SHOX: variants seen among roughly 807,000 people sequenced by gnomAD.
SHOX encodes short stature homeobox protein.
SHOX carries 12 observed loss-of-function variants against 29.6 expected under a neutral mutation model. The observed-to-expected ratio is 0.41, with a 90% confidence interval of 0.26 to 0.66. The LOEUF is 0.66. SHOX is among the 30% of genes least tolerant of loss of function. The probability of loss-of-function intolerance (pLI) is 0.35; values close to 1 mark genes in which losing one functional copy is unlikely to be tolerated. For missense variants in SHOX, 499 were observed against 437.7 expected, an observed-to-expected ratio of 1.14 and a Z score of -1.25; for synonymous variants, 214 against 200.6, an observed-to-expected ratio of 1.07 and a Z score of -0.57.
At chrX:641,402 A>C (rs2052851184) in intron 4 of SHOX, among the ~76,000 whole-genome samples, 1 of 151,988 alleles carries the variant, frequency 6.6e-6, no homozygotes, top group Non-Finnish European at 1.5e-5. Flanking sequence ...TCTATTAAAA[A>C]TACAAAATGG....
In SHOX at chrX:649,317, G is replaced by C. The variant is rs956709159; in HGVS notation, c.*4681G>C. Among the ~76,000 whole-genome samples, 5 of 152,152 alleles carry C rather than the reference G, an allele frequency of 3.3e-5. No individual in the cohort carries two copies. The highest frequency in any genetic ancestry group is 4.8e-5 in the African/African-American group (2 of 41,434). The stretch of plus-strand genomic sequence containing the variant: ...GCCTCCCAGAGTGCTGGGATTACGG[G>C]GTGAGGCACCGCGCCCGGCCTCCTC... On this transcript the variant is annotated 3_prime_UTR_variant, in exon 5 of 5. Coordinates refer to ENST00000686671, the MANE Select transcript of SHOX (RefSeq NM_000451.4).
At position 634,661 on chromosome X, in the gene SHOX, GGAC is replaced by G. The variant is rs1329470587; in HGVS notation, c.324_326del (p.Asp108del). On this transcript the variant is annotated inframe_deletion, in exon 2 of 5. Coordinates refer to ENST00000686671, the MANE Select transcript of SHOX (RefSeq NM_000451.4). ...AGAAGCGCGAGGACGTGAAGTCGGA[GGAC>G]GAGGACGGGCAGACCAAGCTGAAAC... 1 of 1,613,814 alleles carries G rather than the reference GGAC, an allele frequency of 6.2e-7. No homozygotes were observed. Among genetic ancestry groups the G allele is most frequent in the Non-Finnish European group, 8.5e-7 (1 of 1,179,886 alleles).
chrX:649,972 G>A lies in SHOX; in HGVS notation c.*5336G>A, dbSNP rs371045536. ...ACAGGGAGAAGGAATTGGATGTATC[G>A]GATGTTGCTATTAGATTTTCTTTCT... On this transcript the variant is annotated 3_prime_UTR_variant, in exon 5 of 5. Coordinates refer to ENST00000686671, the MANE Select transcript of SHOX (RefSeq NM_000451.4). 2.0e-5 allele frequency: 9 copies of A among 456,016 alleles called. No homozygotes were observed. The highest frequency in any genetic ancestry group is 1.4e-4 in the East Asian group (2 of 14,390). The allele number at this position is 456,016 out of a possible 1,614,324, so 28.2% of individuals were successfully genotyped here.
rs180672914 is a variant in SHOX at position 647,207 on chromosome X, G to A, written c.*2571G>A. ...TTCTCCTGCCTCAGCCTCCCGAGTA[G>A]CTGGGATTACAGGCACCTGCCACCA... On this transcript the variant is annotated 3_prime_UTR_variant, in exon 5 of 5. Transcript: ENST00000686671. Among the ~76,000 whole-genome samples the A allele has an allele frequency of 2.0e-5, 3 of 152,194 alleles. No individual in the cohort carries two copies. The East Asian group carries it at 5.8e-4, about 29-fold the overall frequency.
chrX:655,855 G>T (rs770818343), downstream of SHOX, among the ~76,000 whole-genome samples: 2 of 152,018 alleles, frequency 1.3e-5, no homozygotes, highest in African/African-American at 4.8e-5. Context: ...TGAGAAAGGA[G>T]ACCAGGATTT....
chrX:643,288 TGGGAGAGGCTTGGAGATCTGGTGAGCC>T (rs2052895879), intron 4 of SHOX, among the ~76,000 whole-genome samples: 2 of 120,716 alleles, frequency 1.7e-5, no homozygotes, highest in African/African-American at 3.2e-5. Context: ...CCTGGTGTCC[TGGGAGAGGCTTGGAGATCTGGTGAGCC>T]GGGAGAGGCT....
Position 646,619 on chromosome X carries a change from C to G in SHOX, c.*1983C>G, listed in dbSNP as rs2052968837. ...AGCTGAACTGTAGATCCATTTGGACCCGTCTCATTTGTATCTTCTGATATT... is the reference window on the plus strand; with the variant it reads ...AGCTGAACTGTAGATCCATTTGGACGCGTCTCATTTGTATCTTCTGATATT... On this transcript the variant is annotated 3_prime_UTR_variant, in exon 5 of 5. Transcript: ENST00000686671. The G allele has an allele frequency of 6.6e-6, 1 of 151,850 alleles. No homozygotes were observed. 9.4% of individuals were successfully genotyped at this position (151,850 alleles called of 1,614,324 possible).
At chrX:651,711 A>G (rs1244920310), downstream of SHOX, among the ~76,000 whole-genome samples, 1 of 149,266 alleles carries the variant, frequency 6.7e-6, no homozygotes, top group Non-Finnish European at 1.5e-5. Flanking sequence ...TGCTCCGTGC[A>G]TTTCCAGGGT....
chrX:630,067 G>A (rs1265955735), upstream of SHOX, among the ~76,000 whole-genome samples: 7 of 152,112 alleles, frequency 4.6e-5, no homozygotes, highest in Non-Finnish European at 1.0e-4. Context: ...GGATCTCCCG[G>A]GGACCTGGGC....
downstream of SHOX, among the ~76,000 whole-genome samples, chrX:655,771 C>A (rs1179705598): frequency 6.6e-6 from 1 of 151,824 alleles, no homozygotes. Context: ...GAAACAAACT[C>A]AATCTGTTCG....
In SHOX at chrX:651,115, T is replaced by TTC. The variant is rs1332244783; in HGVS notation, c.*6479_*6480insTC. 1.1e-5 allele frequency: 4 copies of TTC among 348,594 alleles called. No individual in the cohort carries two copies. Among genetic ancestry groups the TTC allele is most frequent in the African/African-American group, 8.6e-5 (4 of 46,524 alleles). The allele number at this position is 348,594 out of a possible 1,614,324, so 21.6% of individuals were successfully genotyped here. The stretch of plus-strand genomic sequence containing the variant: ...TGTGCATTTGTTATTTATTTTTTTT[T>TTC]CCTTGGTCGGACGTTCATAAATATG... On this transcript the variant is annotated 3_prime_UTR_variant, in exon 5 of 5. Coordinates refer to ENST00000686671, the MANE Select transcript of SHOX (RefSeq NM_000451.4).
chrX:630,773 G>A (rs1207961766), upstream of SHOX: 3 of 1,231,024 alleles, frequency 2.4e-6, no homozygotes, highest in Non-Finnish European at 3.5e-6. Flanking sequence ...TAAATAGTGA[G>A]ATTTCCAATG....
chrX:632,875 C>T (rs1217384217), intron 1 of SHOX, among the ~76,000 whole-genome samples: 1 of 152,124 alleles, frequency 6.6e-6, no homozygotes, highest in African/African-American at 2.4e-5. Context: ...TCGCAGCGCC[C>T]GGCGGCCGCT....
rs1569491737 is a variant in SHOX, at chrX:624,926, CTTTCTTTTCTTT to C, written c.-433+325_-433+336del. 3.3e-3 allele frequency among the ~76,000 whole-genome samples: 223 copies of C among 68,194 alleles called. 5 individuals are homozygous for C. Among genetic ancestry groups the C allele is most frequent in the African/African-American group, 0.016 (211 of 13,106 alleles). 44.7% of individuals were successfully genotyped at this position (68,194 alleles called of 152,430 possible). ...TCTCTCTTCCTTTCTTTCTTTCTTT[CTTTCTTTTCTTT>C]CTTTCACTTGGCAAGATTGCTTTTG... On this transcript the variant is annotated intron_variant, in intron 1 of 5. Coordinates refer to the SHOX transcript ENST00000334060.
upstream of SHOX, among the ~76,000 whole-genome samples, chrX:627,869 G>A (rs1344590807): frequency 2.0e-5 from 3 of 152,178 alleles, no homozygotes; most frequent in Admixed American, 1.3e-4. Context: ...CTGGGAGGAC[G>A]GAGGGTTTTC....
chrX:624,862 T>TTTTCTTTCTTTCC (rs1556451609), intron 1 of SHOX, among the ~76,000 whole-genome samples: 1,139 of 76,828 alleles, frequency 0.015, 17 homozygotes, highest in Non-Finnish European at 0.022. Context: ...TCTTTCTTTC[T>TTTTCTTTCTTTCC]TTTCTTTCTT....
chrX:633,831 A>G (rs942684971), intron 1 of SHOX, among the ~76,000 whole-genome samples: 13 of 152,138 alleles, frequency 8.5e-5, no homozygotes, highest in African/African-American at 2.9e-4. Context: ...GCTTGGTCAG[A>G]GAGGCTGAAT....
chrX:640,924 C>T lies in SHOX; in HGVS notation c.544+46C>T, dbSNP rs747981081. 24 of 1,613,562 alleles carry T rather than the reference C, an allele frequency of 1.5e-5. No homozygotes were observed. The South Asian group carries it at 2.6e-4, about 18-fold the overall frequency. Reference sequence around the variant, plus strand: ...GACCTGAAGCTGGGGGATCCTGCTCCAGGAGGGATGGGGTCGACGAGGTGC... The same window carrying T: ...GACCTGAAGCTGGGGGATCCTGCTCTAGGAGGGATGGGGTCGACGAGGTGC... On this transcript the variant is annotated intron_variant, in intron 3 of 4. Transcript: ENST00000686671.
chrX:651,643 A>G (rs1279189903), downstream of SHOX, among the ~76,000 whole-genome samples: 6 of 36,852 alleles, frequency 1.6e-4, no homozygotes, highest in South Asian at 1.0e-3. Context: ...GCTTATTGGA[A>G]AAAAAAAAAA....
Sources: allele counts gnomAD v4.1 joint callset (sites outside exome capture counted in the v4.1 genomes callset), GRCh38; gene constraint gnomAD v4.1.1; transcripts MANE v1.5; gene names NCBI Gene and HGNC (gene_info 2026-07-23, HGNC 2026-07-21).